ARHGAP22: variants seen among roughly 807,000 people sequenced by gnomAD.
ARHGAP22 encodes Rho GTPase activating protein 22.
A neutral mutation model predicts 59.1 loss-of-function variants in ARHGAP22; 48 were observed. The observed-to-expected ratio is 0.81, with a 90% CI of 0.64 to 1.03. ARHGAP22 has a LOEUF of 1.03. Ranked by LOEUF, ARHGAP22 falls within the 50% of genes least tolerant of loss-of-function variation. The probability of loss-of-function intolerance (pLI) is 0.00; values close to 1 mark genes in which losing one functional copy is unlikely to be tolerated. For synonymous variants in ARHGAP22, 445 were observed against 416.4 expected, an observed-to-expected ratio of 1.07 and a Z score of -0.84; for missense variants, 1,015 against 958.7, an observed-to-expected ratio of 1.06 and a Z score of -0.78.
chr10:48,436,875 T>A, the ARHGAP22 span: 1 of 152,228 alleles, frequency 6.6e-6, no homozygotes, highest in Non-Finnish European at 1.5e-5. Flanking sequence ...TCTTGAATTG[T>A]AGACAGAAAA....
intron 2 of ARHGAP22, among the ~76,000 whole-genome samples, chr10:48,566,385 A>G (rs775355228): frequency 6.6e-6 from 1 of 152,220 alleles, no homozygotes; most frequent in Non-Finnish European, 1.5e-5. Context: ...GGAGGGAAGC[A>G]TCCTCCTTGC....
the ARHGAP22 span, among the ~76,000 whole-genome samples, chr10:48,431,987 T>G: frequency 1.2e-4 from 18 of 152,316 alleles, no homozygotes; most frequent in Admixed American, 2.6e-4. Context: ...GTTCAGAAAT[T>G]TGAAGTAACA....
intron 3 of ARHGAP22, among the ~76,000 whole-genome samples, chr10:48,544,542 G>A (rs1054478081): frequency 4.7e-4 from 71 of 152,184 alleles, no homozygotes; most frequent in African/African-American, 1.7e-3. Context: ...AAGCAGGTGT[G>A]CCTGAGCAAT....
chr10:48,501,493 C>A (rs774234537), intron 3 of ARHGAP22, among the ~76,000 whole-genome samples: 41 of 152,128 alleles, frequency 2.7e-4, no homozygotes, highest in Non-Finnish European at 5.4e-4. Context: ...AAGGCATACA[C>A]CTGATGGGGA....
chr10:48,597,983 C>T (rs1445695508), intron 1 of ARHGAP22, among the ~76,000 whole-genome samples: 2 of 152,160 alleles, frequency 1.3e-5, no homozygotes, highest in Non-Finnish European at 2.9e-5. Flanking sequence ...TCAGTTCAGG[C>T]CTGTCTTGCA....
intron 1 of ARHGAP22, among the ~76,000 whole-genome samples, chr10:48,595,680 T>G (rs1036937916): frequency 2.4e-4 from 36 of 152,266 alleles, no homozygotes; most frequent in African/African-American, 7.9e-4. Flanking sequence ...TGTATGACTA[T>G]GCCTGGCTAA....
At chr10:48,491,236 C>T (rs940554734) in intron 3 of ARHGAP22, among the ~76,000 whole-genome samples, 12 of 152,194 alleles carry the variant, frequency 7.9e-5, no homozygotes, top group Non-Finnish European at 1.5e-4. Context: ...CTCCCCTTTG[C>T]TTTTGCCAGT....
chr10:48,445,016 A>G (rs2045292060), downstream of ARHGAP22: 1 of 152,308 alleles, frequency 6.6e-6, no homozygotes, highest in Non-Finnish European at 1.5e-5. Flanking sequence ...GGCCCTGAGC[A>G]GGTGCCCGCC....
At chr10:48,493,837 T>C (rs1371719422) in intron 3 of ARHGAP22, among the ~76,000 whole-genome samples, 1 of 152,164 alleles carries the variant, frequency 6.6e-6, no homozygotes, top group African/African-American at 2.4e-5. Flanking sequence ...GGGGGGAGTG[T>C]CCATCCTATT....
chr10:48,432,967 C>T, the ARHGAP22 span, among the ~76,000 whole-genome samples: 1 of 152,214 alleles, frequency 6.6e-6, no homozygotes, highest in East Asian at 1.9e-4. Flanking sequence ...ACCAGATAAC[C>T]ACAGTACCAT....
At position 48,650,990 on chromosome 10, in the gene ARHGAP22, A is replaced by G. The variant is rs138303713; in HGVS notation, c.52+1244T>C. 1.5e-3 allele frequency among the ~76,000 whole-genome samples: 236 copies of G among 152,288 alleles called. 1 individual carries two copies. Among genetic ancestry groups the G allele is most frequent in the African/African-American group, 5.3e-3 (221 of 41,544 alleles). On this transcript the variant is annotated intron_variant, in intron 1 of 9. Coordinates refer to the ARHGAP22 transcript ENST00000435790. ...AACACAGAGCTTTACTCCTCACCCC[A>G]TGAATATCTACTCAGACCACAGAAA...
Position 48,604,925 on chromosome 10 carries a change from C to G in ARHGAP22, c.-129G>C, listed in dbSNP as rs548760845. 5 of 1,561,986 alleles carry G rather than the reference C, an allele frequency of 3.2e-6. No homozygotes were observed. The highest frequency in any genetic ancestry group is 1.4e-5 in the African/African-American group (1 of 73,460). On this transcript the variant is annotated 5_prime_UTR_variant, in exon 1 of 10. Coordinates refer to ENST00000249601, the MANE Select transcript of ARHGAP22 (RefSeq NM_021226.4). ...GGGCCCCGTGGCCGCTGGCGTCACC[C>G]GTCAGGCTCCCTCGGCTACCTCTCC...
downstream of ARHGAP22, chr10:48,445,976 GGTCCTGTATTGT>G (rs1483288963): frequency 1.0e-5 from 2 of 198,042 alleles, no homozygotes; most frequent in Non-Finnish European, 2.1e-5. Context: ...AAACAGGAGT[GGTCCTGTATTGT>G]GTCCTGTATT....
intron 1 of ARHGAP22, among the ~76,000 whole-genome samples, chr10:48,596,906 C>G (rs1035137090): frequency 6.6e-6 from 1 of 152,180 alleles, no homozygotes; most frequent in Non-Finnish European, 1.5e-5. Flanking sequence ...ACACCTGGGT[C>G]TCTCCAAGCT....
At chr10:48,471,023 T>G (rs2048180572) in intron 4 of ARHGAP22, among the ~76,000 whole-genome samples, 2 of 152,192 alleles carry the variant, frequency 1.3e-5, no homozygotes, top group African/African-American at 4.8e-5. Context: ...AAGGTTGCAT[T>G]TCATCCCACC....
At chr10:48,447,020 C>T (rs1483802700) in intron 9 of ARHGAP22, among the ~76,000 whole-genome samples, 1 of 152,188 alleles carries the variant, frequency 6.6e-6, no homozygotes, top group Non-Finnish European at 1.5e-5. Flanking sequence ...CCTCCCACAG[C>T]TCCCTGCAGC....
chr10:48,626,226 A>AT (rs1392528390), intron 1 of ARHGAP22, among the ~76,000 whole-genome samples: 3 of 152,050 alleles, frequency 2.0e-5, no homozygotes, highest in Non-Finnish European at 2.9e-5. Flanking sequence ...GGCTTTCTTG[A>AT]TTTTGTCTTT....
chr10:48,577,032 C>T (rs1304337463), intron 2 of ARHGAP22, among the ~76,000 whole-genome samples: 3 of 151,938 alleles, frequency 2.0e-5, no homozygotes, highest in Non-Finnish European at 2.9e-5. Context: ...AAGCATTTCT[C>T]TAAAGACTCT....
intron 1 of ARHGAP22, among the ~76,000 whole-genome samples, chr10:48,636,427 T>C (rs2061819823): frequency 1.3e-5 from 2 of 152,156 alleles, no homozygotes; most frequent in African/African-American, 4.8e-5. Flanking sequence ...CTTCCAGGAA[T>C]GTCTGCTTGA....
Sources: allele counts gnomAD v4.1 joint callset (sites outside exome capture counted in the v4.1 genomes callset), GRCh38; gene constraint gnomAD v4.1.1; transcripts MANE v1.5; gene names NCBI Gene and HGNC (gene_info 2026-07-23, HGNC 2026-07-21).